Variants in CCDC50 observed in about 807,000 individuals in gnomAD.
CCDC50 encodes coiled-coil domain-containing protein 50.
Under a neutral mutation model 70.2 loss-of-function variants are expected in CCDC50, and 54 were observed. The observed-to-expected ratio is 0.77, with a 90% CI of 0.62 to 0.96. The LOEUF is 0.96. Ranked by LOEUF, CCDC50 falls within the 50% of genes least tolerant of loss-of-function variation. CCDC50 has a pLI of 0.00. For synonymous variants in CCDC50, 216 were observed against 198.8 expected (o/e 1.09, Z -0.73); for missense variants, 558 against 578.7 (o/e 0.96, Z 0.37).
chr3:191,389,498 C>T lies in CCDC50; in HGVS notation c.1325C>T (p.Pro442Leu), dbSNP rs1386933368. 6.2e-7 allele frequency: 1 copy of T among 1,613,084 alleles called. No homozygotes were observed. The highest frequency in any genetic ancestry group is 8.5e-7 in the Non-Finnish European group (1 of 1,179,234). The change falls in exon 11 of 12, where the codon CCA (proline) becomes CTA (leucine). Residue 442 changes from proline to leucine, a missense_variant and splice_region_variant. By Grantham distance (98) the Pro-to-Leu change is moderately conservative. Coordinates refer to ENST00000392455, the MANE Select transcript of CCDC50 (RefSeq NM_178335.3). ...HHSKNERPAR[P>L]PPPIMTDGED... Reference sequence around the variant, plus strand: ...TTTAAATTCTGGATTCCTTTTAGGCCACCACCACCTATCATGACAGATGGT... The same window carrying T: ...TTTAAATTCTGGATTCCTTTTAGGCTACCACCACCTATCATGACAGATGGT...
chr3:191,393,535 A>G lies in CCDC50; in HGVS notation c.*1775A>G, dbSNP rs926681053. ...GTAGTTTCAATGAAGTTTGTATATTATAGGAATTTAAGTAAAATCATCTGA... is the reference window on the plus strand; with the variant it reads ...GTAGTTTCAATGAAGTTTGTATATTGTAGGAATTTAAGTAAAATCATCTGA... On this transcript the variant is annotated 3_prime_UTR_variant, in exon 12 of 12. Coordinates refer to ENST00000392455, the MANE Select transcript of CCDC50 (RefSeq NM_178335.3). The G allele has an allele frequency of 6.6e-6, 1 of 152,198 alleles. No homozygotes were observed. The highest frequency in any genetic ancestry group is 2.4e-5 in the African/African-American group (1 of 41,458). 9.4% of individuals were successfully genotyped at this position (152,198 alleles called of 1,614,324 possible). A position where few individuals can be genotyped will look rare whatever the true frequency, so the allele number is the denominator to read the frequency against.
At chr3:191,344,270 T>C (rs1056503367) in intron 1 of CCDC50, among the ~76,000 whole-genome samples, 3 of 152,218 alleles carry the variant, frequency 2.0e-5, no homozygotes, top group African/African-American at 7.2e-5. Context: ...CGTCACGTTG[T>C]GATTATCGTC....
rs71312411 is a variant in CCDC50, at chr3:191,350,664, G to C, written c.50-6424G>C. ...TATTTGGATAATGTGTGAAAGGAAC[G>C]TGTAGCCGTTCATGGAATCAGAAAA... On this transcript the variant is annotated intron_variant, in intron 1 of 11. Transcript: ENST00000392455. Among the ~76,000 whole-genome samples, 1,023 of 141,912 alleles carry C rather than the reference G, an allele frequency of 7.2e-3. 175 individuals are homozygous for C. The highest frequency in any genetic ancestry group is 0.013 in the Non-Finnish European group (793 of 62,886). 93.1% of individuals were successfully genotyped at this position (141,912 alleles called of 152,430 possible).
chr3:191,391,453 C>T (rs939552237), intron 11 of CCDC50, among the ~76,000 whole-genome samples: 12 of 152,178 alleles, frequency 7.9e-5, no homozygotes, highest in African/African-American at 2.7e-4. Flanking sequence ...ACCTCAACTT[C>T]CATCAGTTGG....
At chr3:191,377,779 A>G (rs1713170383) in intron 6 of CCDC50, among the ~76,000 whole-genome samples, 1 of 152,166 alleles carries the variant, frequency 6.6e-6, no homozygotes, top group Admixed American at 6.6e-5. Context: ...GTGTTCATTT[A>G]AGGATGTTCT....
chr3:191,339,658 T>C (rs1200639680), intron 1 of CCDC50, among the ~76,000 whole-genome samples: 4 of 152,182 alleles, frequency 2.6e-5, no homozygotes, highest in Non-Finnish European at 4.4e-5. Flanking sequence ...ATGGAAAGTG[T>C]TGACTTTCCC....
At position 191,329,706 on chromosome 3, in the gene CCDC50, T is replaced by C; in HGVS notation, c.32T>C (p.Leu11Pro). Residue 11 changes from leucine (L) to proline (P), a missense_variant, in exon 1 of 12, where the codon CTG (leucine) becomes CCG (proline). Physicochemically the swap from Leu to Pro is moderately conservative, Grantham distance 98. Coordinates refer to ENST00000392455, the MANE Select transcript of CCDC50 (RefSeq NM_178335.3). MAEVSIDQSKLPGVKEVCRDF... is the reference protein window; with the variant it reads MAEVSIDQSKPPGVKEVCRDF... ...GAAGTCAGCATCGACCAGTCCAAGCTGCCTGGAGTCAAGGAAGGTAAGGGC... is the reference window on the plus strand; with the variant it reads ...GAAGTCAGCATCGACCAGTCCAAGCCGCCTGGAGTCAAGGAAGGTAAGGGC... 6.2e-7 allele frequency: 1 copy of C among 1,610,586 alleles called. No individual in the cohort carries two copies. Among genetic ancestry groups the C allele is most frequent in the Non-Finnish European group, 8.5e-7 (1 of 1,178,912 alleles).
intron 5 of CCDC50, among the ~76,000 whole-genome samples, chr3:191,372,113 G>A (rs1278501114): frequency 2.0e-5 from 3 of 152,114 alleles, no homozygotes; most frequent in African/African-American, 7.2e-5. Flanking sequence ...TCAGAGTGCT[G>A]TCATTCTGAT....
rs1178521474 is a variant in CCDC50, at chr3:191,395,720, C to T, written c.*3960C>T. 3 of 151,972 alleles carry T rather than the reference C, an allele frequency of 2.0e-5. No individual in the cohort carries two copies. The highest frequency in any genetic ancestry group is 4.8e-5 in the African/African-American group (2 of 41,372). 9.4% of individuals were successfully genotyped at this position (151,972 alleles called of 1,614,324 possible). ...CATAGAGTGCCATATTCTGTTGAAA[C>T]GATCATAACAAAATCAAAACCTCAT... On this transcript the variant is annotated 3_prime_UTR_variant, in exon 12 of 12. Coordinates refer to ENST00000392455, the MANE Select transcript of CCDC50 (RefSeq NM_178335.3).
intron 11 of CCDC50, 78 bp downstream of exon 11, chr3:191,389,680 T>G: frequency 9.2e-7 from 1 of 1,091,292 alleles, no homozygotes; most frequent in Non-Finnish European, 1.4e-6. Context: ...AAAATCAAAT[T>G]CTGTGTTCCA....
At chr3:191,353,739 T>G (rs1351779534) in intron 1 of CCDC50, among the ~76,000 whole-genome samples, 1 of 141,888 alleles carries the variant, frequency 7.0e-6, no homozygotes, top group African/African-American at 2.5e-5. Flanking sequence ...AAGTAATATT[T>G]CAGTATAAAT....
chr3:191,343,122 C>T (rs960925226), intron 1 of CCDC50, among the ~76,000 whole-genome samples: 3 of 152,064 alleles, frequency 2.0e-5, no homozygotes, highest in Non-Finnish European at 4.4e-5. Flanking sequence ...ACCTGAGTTC[C>T]GCAGGGCCAA....
At chr3:191,334,702 C>T (rs1292267574) in intron 1 of CCDC50, among the ~76,000 whole-genome samples, 3 of 152,290 alleles carry the variant, frequency 2.0e-5, no homozygotes, top group Non-Finnish European at 4.4e-5. Context: ...TTTCCTCCTT[C>T]CCTCTCTTCC....
intron 4 of CCDC50, among the ~76,000 whole-genome samples, chr3:191,367,473 A>G (rs556846575): frequency 2.6e-5 from 4 of 152,298 alleles, no homozygotes; most frequent in Non-Finnish European, 5.9e-5. Context: ...GTTAAAATGA[A>G]TCTCTTTTCT....
At chr3:191,339,487 T>A (rs2108633816) in intron 1 of CCDC50, among the ~76,000 whole-genome samples, 1 of 152,306 alleles carries the variant, frequency 6.6e-6, no homozygotes, top group Admixed American at 6.5e-5. Flanking sequence ...TGCCCCTGAT[T>A]TTCTTTCATT....
chr3:191,380,396 A>T, intron 7 of CCDC50, 122 bp downstream of exon 7: 1 of 752,244 alleles, frequency 1.3e-6, no homozygotes, highest in Non-Finnish European at 2.4e-6. Context: ...TTATGAGTGG[A>T]AAAATCATGA....
intron 4 of CCDC50, among the ~76,000 whole-genome samples, chr3:191,362,183 A>G (rs1216766979): frequency 6.6e-6 from 1 of 152,042 alleles, no homozygotes; most frequent in Non-Finnish European, 1.5e-5. Context: ...GGTGGAGTGC[A>G]GTGGTGTGAT....
chr3:191,337,441 C>A (rs1327755404), intron 1 of CCDC50, among the ~76,000 whole-genome samples: 1 of 151,732 alleles, frequency 6.6e-6, no homozygotes, highest in East Asian at 1.9e-4. Context: ...GACGCCCAGG[C>A]TCGAGCGATT....
intron 1 of CCDC50, among the ~76,000 whole-genome samples, chr3:191,353,808 C>T (rs1712181711): frequency 1.0e-5 from 1 of 100,012 alleles, no homozygotes; most frequent in Non-Finnish European, 2.5e-5. Flanking sequence ...GTGTATTTGA[C>T]AATACAACTC....
Sources: gnomAD v4.1 joint callset for allele counts (sites outside exome capture counted in the v4.1 genomes callset) on GRCh38, gnomAD v4.1.1 for gene constraint, MANE v1.5 for transcripts, NCBI Gene and HGNC (gene_info 2026-07-23, HGNC 2026-07-21) for gene names.